Variants in MYO3B observed in about 807,000 individuals in gnomAD.
MYO3B encodes myosin IIIB.
Under a neutral mutation model 174.6 loss-of-function variants are expected in MYO3B, and 156 were observed. The observed-to-expected ratio is 0.89, with a 90% CI of 0.78 to 1.02. The LOEUF is 1.02. Ranked by LOEUF, MYO3B falls within the 50% of genes least tolerant of loss-of-function variation. MYO3B has a pLI of 0.00. For synonymous variants in MYO3B, 563 were observed against 569.1 expected, an observed-to-expected ratio of 0.99 and a Z score of 0.15; for missense variants, 1,632 against 1,639.4, an observed-to-expected ratio of 1.00 and a Z score of 0.08.
chr2:170,365,912 T>C (rs558905209), intron 8 of MYO3B, among the ~76,000 whole-genome samples: 3 of 152,258 alleles, frequency 2.0e-5, no homozygotes, highest in Non-Finnish European at 1.5e-5. Context: ...GATAAATTCC[T>C]TGTCTGTGAG....
At chr2:170,297,855 A>G (rs116713654) in intron 7 of MYO3B, among the ~76,000 whole-genome samples, 1,699 of 152,326 alleles carry the variant, frequency 0.011, 34 homozygotes, top group African/African-American at 0.038. Context: ...CAGCAGCGAT[A>G]CTATAGGAAT....
intron 32 of MYO3B, chr2:170,640,838 CTG>C (rs1697900287): frequency 6.6e-6 from 1 of 151,832 alleles, no homozygotes; most frequent in Non-Finnish European, 1.5e-5. Context: ...GCAAATGACA[CTG>C]GTTTTCCATT....
intron 3 of MYO3B, among the ~76,000 whole-genome samples, chr2:170,207,212 T>C (rs1454538442): frequency 6.6e-6 from 1 of 152,106 alleles, no homozygotes; most frequent in Non-Finnish European, 1.5e-5. Flanking sequence ...ATTCTAATCT[T>C]GTCCTCTTAA....
chr2:170,566,664 C>T (rs372741273), intron 32 of MYO3B, among the ~76,000 whole-genome samples: 1 of 152,026 alleles, frequency 6.6e-6, no homozygotes, highest in African/African-American at 2.4e-5. Context: ...TCTGGAGTTA[C>T]TAGATCACAC....
intron 16 of MYO3B, among the ~76,000 whole-genome samples, chr2:170,395,631 G>A (rs2094438728): frequency 6.6e-6 from 1 of 152,182 alleles, no homozygotes; most frequent in East Asian, 1.9e-4. Context: ...CTTTTAAGAT[G>A]ACAAAAGTTG....
At chr2:170,214,985 G>T (rs767761915) in intron 5 of MYO3B, among the ~76,000 whole-genome samples, 157 bp downstream of exon 5, 1 of 152,132 alleles carries the variant, frequency 6.6e-6, no homozygotes, top group Non-Finnish European at 1.5e-5. Flanking sequence ...GCTCCAGATG[G>T]ATCACCCTAG....
chr2:170,581,707 T>G (rs1693161303), intron 32 of MYO3B, among the ~76,000 whole-genome samples: 1 of 152,208 alleles, frequency 6.6e-6, no homozygotes, highest in East Asian at 1.9e-4. Context: ...TATTGAATAG[T>G]GCATCCTTTC....
chr2:170,347,215 G>A (rs982809954), intron 8 of MYO3B, among the ~76,000 whole-genome samples: 5 of 152,178 alleles, frequency 3.3e-5, no homozygotes, highest in Non-Finnish European at 7.3e-5. Context: ...ATCTGACATG[G>A]TGAAGTGTAC....
chr2:170,421,689 C>T (rs894366632), intron 22 of MYO3B, among the ~76,000 whole-genome samples: 1 of 152,316 alleles, frequency 6.6e-6, no homozygotes, highest in East Asian at 1.9e-4. Flanking sequence ...AGGAACTTCA[C>T]ACCTTCCTGG....
intron 7 of MYO3B, among the ~76,000 whole-genome samples, chr2:170,278,770 G>A (rs1013173059): frequency 2.0e-5 from 3 of 151,480 alleles, no homozygotes; most frequent in African/African-American, 7.3e-5. Flanking sequence ...CCTAACCCCC[G>A]CCACATATAC....
intron 32 of MYO3B, among the ~76,000 whole-genome samples, chr2:170,620,862 T>A (rs1695852486): frequency 6.6e-6 from 1 of 152,216 alleles, no homozygotes; most frequent in South Asian, 2.1e-4. Flanking sequence ...ACATGATCTC[T>A]AGCCTCTCAG....
chr2:170,599,525 T>A (rs979421506), intron 32 of MYO3B, among the ~76,000 whole-genome samples: 7 of 152,208 alleles, frequency 4.6e-5, no homozygotes, highest in Admixed American at 4.6e-4. Flanking sequence ...GGCAGGCGGA[T>A]CATTTGAGGT....
intron 7 of MYO3B, among the ~76,000 whole-genome samples, chr2:170,288,609 G>A (rs1382133263): frequency 2.0e-5 from 3 of 151,916 alleles, no homozygotes; most frequent in Admixed American, 6.6e-5. Flanking sequence ...AGATATAACA[G>A]TTTTTTTGGT....
At chr2:170,440,884 C>T (rs1162912119) in intron 22 of MYO3B, among the ~76,000 whole-genome samples, 2 of 146,394 alleles carry the variant, frequency 1.4e-5, no homozygotes, top group East Asian at 4.2e-4. Context: ...TCACTGCAAC[C>T]TCCGCCTCCT....
chr2:170,179,291 C>T (rs1342962033), intron 1 of MYO3B, among the ~76,000 whole-genome samples: 1 of 152,092 alleles, frequency 6.6e-6, no homozygotes, highest in African/African-American at 2.4e-5. Context: ...TAGGAAAGGC[C>T]TCCTAGAAGA....
chr2:170,445,113 C>T (rs1240778293), intron 23 of MYO3B, among the ~76,000 whole-genome samples: 1 of 152,172 alleles, frequency 6.6e-6, no homozygotes, highest in African/African-American at 2.4e-5. Context: ...CCTCATTTTA[C>T]ACATGTTTCT....
Position 170,220,653 on chromosome 2 carries a change from A to AAAT in MYO3B, c.603+3259_603+3260insATA, listed in dbSNP as rs1553564289. ...CAAAAAAAAAAAAAAAAAAAAAAAA[A>AAAT]ATGGAGTGTTTCTGTAGGGGACAGT... On this transcript the variant is annotated intron_variant, in intron 6 of 34. Coordinates refer to ENST00000408978, the MANE Select transcript of MYO3B (RefSeq NM_138995.5). Among the ~76,000 whole-genome samples, 920 of 141,148 alleles carry AAAT rather than the reference A, an allele frequency of 6.5e-3. 78 individuals are homozygous for AAAT. Among genetic ancestry groups the AAAT allele is most frequent in the African/African-American group, 0.024 (879 of 36,558 alleles). The allele number at this position is 141,148 out of a possible 152,430, so 92.6% of individuals were successfully genotyped here.
Position 170,649,241 on chromosome 2 carries a change from ATT to A in MYO3B, c.3734-2386_3734-2385del, listed in dbSNP as rs1559201858. Among the ~76,000 whole-genome samples, 10 of 77,018 alleles carry A rather than the reference ATT, an allele frequency of 1.3e-4. 2 individuals carry two copies. The highest frequency in any genetic ancestry group is 3.7e-4 in the African/African-American group (6 of 16,032). 50.5% of individuals were successfully genotyped at this position (77,018 alleles called of 152,430 possible). On this transcript the variant is annotated intron_variant, in intron 32 of 34. Coordinates refer to ENST00000408978, the MANE Select transcript of MYO3B (RefSeq NM_138995.5). Reference sequence around the variant, plus strand: ...ATATATTATATATAAAATAATATATATTATATATAAAATAATATATAATATAT... The same window carrying A: ...ATATATTATATATAAAATAATATATAATATATAAAATAATATATAATATAT...
chr2:170,587,390 T>C (rs761705730), intron 32 of MYO3B, among the ~76,000 whole-genome samples: 5 of 152,226 alleles, frequency 3.3e-5, no homozygotes, highest in Non-Finnish European at 5.9e-5. Flanking sequence ...ACAAAACTTA[T>C]GGCTAATGTT....
Sources: allele counts gnomAD v4.1 joint callset (sites outside exome capture counted in the v4.1 genomes callset), GRCh38; gene constraint gnomAD v4.1.1; transcripts MANE v1.5; gene names NCBI Gene and HGNC (gene_info 2026-07-23, HGNC 2026-07-21).